The following ARSB variants were observed in gnomAD, a reference collection of about 807,000 sequenced individuals.
ARSB encodes arylsulfatase B.
Under a neutral mutation model 50.9 loss-of-function variants are expected in ARSB, and 41 were observed. The ratio of observed to expected loss-of-function variants is 0.81; its 90% confidence interval spans 0.63 to 1.04. The LOEUF is 1.04. Ranked by LOEUF, ARSB falls within the 50% of genes least tolerant of loss-of-function variation. The pLI, the probability that ARSB is intolerant of heterozygous loss-of-function variation, is 0.00. For missense variants in ARSB, 672 were observed against 693.3 expected (o/e 0.97, Z 0.35); for synonymous variants, 269 against 284.8 (o/e 0.94, Z 0.56).
intron 4 of ARSB, among the ~76,000 whole-genome samples, chr5:78,894,562 CAG>C (rs778698138): frequency 6.6e-6 from 1 of 152,148 alleles, no homozygotes; most frequent in Non-Finnish European, 1.5e-5. Flanking sequence ...GTGTTTAATG[CAG>C]AGAGAGGCAA....
chr5:78,901,557 CA>C (rs574168710), intron 4 of ARSB, among the ~76,000 whole-genome samples: 5 of 148,420 alleles, frequency 3.4e-5, no homozygotes, highest in Admixed American at 6.7e-5. Context: ...ATAGTTTTTT[CA>C]AAAAAAAATA....
intron 4 of ARSB, among the ~76,000 whole-genome samples, chr5:78,892,970 C>T (rs1748384940): frequency 6.6e-6 from 1 of 152,142 alleles, no homozygotes; most frequent in Non-Finnish European, 1.5e-5. Context: ...TACGGTTTGG[C>T]TGTGTCCCTA....
rs533814797 is a variant in ARSB at position 78,943,346 on chromosome 5, T to C, written c.898+11949A>G. ...TGATGTTAGCTGGTTATTTTGCTCG[T>C]TAGTTGATGTAGTTTCTTCCTAGCC... On this transcript the variant is annotated intron_variant, in intron 4 of 7. Coordinates refer to ENST00000264914, the MANE Select transcript of ARSB (RefSeq NM_000046.5). Among the ~76,000 whole-genome samples the C allele has an allele frequency of 8.5e-5, 13 of 152,312 alleles. No homozygotes were observed. In the East Asian group the frequency reaches 2.1e-3, roughly 25 times the overall value.
chr5:78,936,927 AT>A (rs1170366965), intron 4 of ARSB, among the ~76,000 whole-genome samples: 2 of 152,098 alleles, frequency 1.3e-5, no homozygotes, highest in Non-Finnish European at 2.9e-5. Flanking sequence ...AAGTAAATGC[AT>A]TTTTTTAGCA....
At chr5:78,862,292 AG>A (rs1316067959) in intron 5 of ARSB, among the ~76,000 whole-genome samples, 6 of 152,194 alleles carry the variant, frequency 3.9e-5, no homozygotes, top group Admixed American at 3.9e-4. Flanking sequence ...AAGCAAAAAA[AG>A]CCCGCGTTGC....
At chr5:78,944,661 G>C (rs931772111) in intron 4 of ARSB, among the ~76,000 whole-genome samples, 2 of 152,154 alleles carry the variant, frequency 1.3e-5, no homozygotes, top group African/African-American at 4.8e-5. Context: ...AGGGTTACCC[G>C]GCCATGTGAG....
chr5:78,877,693 T>C (rs2112179726), intron 5 of ARSB, among the ~76,000 whole-genome samples: 1 of 152,248 alleles, frequency 6.6e-6, no homozygotes, highest in East Asian at 1.9e-4. Flanking sequence ...CCTGCCTAGC[T>C]AGAAGCTTTA....
At chr5:78,781,108 T>C (rs1748911787) in intron 7 of ARSB, among the ~76,000 whole-genome samples, 1 of 152,200 alleles carries the variant, frequency 6.6e-6, no homozygotes, top group Non-Finnish European at 1.5e-5. Context: ...TGAAAAGATA[T>C]CACTCTTAGA....
chr5:78,884,833 G>A (rs1579998853), intron 5 of ARSB: 1 of 152,166 alleles, frequency 6.6e-6, no homozygotes, highest in Non-Finnish European at 1.5e-5. Flanking sequence ...CAACCTCTAA[G>A]GCATGTGCCT....
At chr5:78,819,645 A>G (rs1744132256) in intron 6 of ARSB, among the ~76,000 whole-genome samples, 1 of 152,198 alleles carries the variant, frequency 6.6e-6, no homozygotes, top group Non-Finnish European at 1.5e-5. Context: ...TGTCTTCTAG[A>G]CTGGAGGGTC....
At chr5:78,811,063 T>C (rs547306752) in intron 6 of ARSB, among the ~76,000 whole-genome samples, 7 of 152,332 alleles carry the variant, frequency 4.6e-5, no homozygotes, top group African/African-American at 1.4e-4. Context: ...CTCCCCCTGC[T>C]TTTGGAGGCA....
intron 6 of ARSB, among the ~76,000 whole-genome samples, chr5:78,808,472 T>C (rs925751530): frequency 1.3e-5 from 2 of 152,128 alleles, no homozygotes; most frequent in African/African-American, 4.8e-5. Context: ...TGACTCCACA[T>C]GGTTTTTAAG....
intron 5 of ARSB, among the ~76,000 whole-genome samples, chr5:78,876,878 C>T (rs1747505727): frequency 6.6e-6 from 1 of 152,178 alleles, no homozygotes; most frequent in Non-Finnish European, 1.5e-5. Flanking sequence ...ACTAAATCCT[C>T]ATAGGAGTGC....
chr5:78,824,494 C>A (rs536324883), intron 6 of ARSB, among the ~76,000 whole-genome samples: 1 of 152,212 alleles, frequency 6.6e-6, no homozygotes, highest in African/African-American at 2.4e-5. Flanking sequence ...TGAATTTGGG[C>A]CCCACCCCAG....
chr5:78,848,524 T>C (rs935255997), intron 5 of ARSB, among the ~76,000 whole-genome samples: 13 of 151,516 alleles, frequency 8.6e-5, no homozygotes, highest in African/African-American at 2.9e-4. Flanking sequence ...GCAATAAACA[T>C]ACGTGTGCAT....
At chr5:78,947,837 G>A (rs1387525541) in intron 4 of ARSB, among the ~76,000 whole-genome samples, 2 of 152,308 alleles carry the variant, frequency 1.3e-5, no homozygotes, top group African/African-American at 2.4e-5. Context: ...GCACTGCCAT[G>A]TTTATTGCAG....
At chr5:78,786,255 C>T (rs1253253464) in intron 6 of ARSB, among the ~76,000 whole-genome samples, 1 of 152,180 alleles carries the variant, frequency 6.6e-6, no homozygotes, top group African/African-American at 2.4e-5. Flanking sequence ...CAATATGTGG[C>T]CTTTCGTGTC....
At chr5:78,835,993 T>G (rs1167291637) in intron 6 of ARSB, among the ~76,000 whole-genome samples, 1 of 152,252 alleles carries the variant, frequency 6.6e-6, no homozygotes, top group Non-Finnish European at 1.5e-5. Context: ...TGGCTACTTC[T>G]GATTTAACTC....
intron 6 of ARSB, among the ~76,000 whole-genome samples, chr5:78,787,368 C>CA (rs1190952492): frequency 6.7e-6 from 1 of 150,300 alleles, no homozygotes; most frequent in Non-Finnish European, 1.5e-5. Flanking sequence ...GCTTTGGCCG[C>CA]ACTGGGTGTT....
Sources: gnomAD v4.1 joint callset for allele counts (sites outside exome capture counted in the v4.1 genomes callset) on GRCh38, gnomAD v4.1.1 for gene constraint, MANE v1.5 for transcripts, NCBI Gene and HGNC (gene_info 2026-07-23, HGNC 2026-07-21) for gene names.